The following PPM1L variants were observed in gnomAD, a reference collection of about 807,000 sequenced individuals.
The protein encoded by PPM1L is protein phosphatase 1L.
In PPM1L, 13 loss-of-function variants were observed where a neutral mutation model predicts 31.4. The observed-to-expected ratio is 0.41, with a 90% confidence interval of 0.27 to 0.66. The LOEUF is 0.66. PPM1L is among the 30% of genes least tolerant of loss of function. The probability of loss-of-function intolerance (pLI) is 0.29; values close to 1 mark genes in which losing one functional copy is unlikely to be tolerated. For missense variants in PPM1L, 326 were observed against 453.7 expected, an observed-to-expected ratio of 0.72 and a Z score of 2.56; for synonymous variants, 184 against 175.4, an observed-to-expected ratio of 1.05 and a Z score of -0.39.
At chr3:160,832,717 A>G (rs114901147) in intron 1 of PPM1L, among the ~76,000 whole-genome samples, 1,851 of 152,286 alleles carry the variant, frequency 0.012, 46 homozygotes, top group African/African-American at 0.042. Context: ...TGTTAACTAC[A>G]TTGCAGAATT....
At chr3:160,804,210 G>A (rs1207586904) in intron 1 of PPM1L, among the ~76,000 whole-genome samples, 1 of 152,042 alleles carries the variant, frequency 6.6e-6, no homozygotes, top group Non-Finnish European at 1.5e-5. Context: ...GGGATTACAG[G>A]CGTGAGCCAC....
At chr3:160,821,607 A>G (rs1713204600) in intron 1 of PPM1L, among the ~76,000 whole-genome samples, 1 of 152,074 alleles carries the variant, frequency 6.6e-6, no homozygotes, top group Admixed American at 6.6e-5. Flanking sequence ...ATTTTTTGGG[A>G]GTAAATTTTG....
At chr3:160,988,242 A>AT (rs1204407165) in intron 2 of PPM1L, among the ~76,000 whole-genome samples, 5 of 152,206 alleles carry the variant, frequency 3.3e-5, no homozygotes, top group African/African-American at 7.2e-5. Flanking sequence ...TAATGTTTAT[A>AT]TGACATCCAT....
At chr3:160,889,736 C>T (rs1056271389) in intron 1 of PPM1L, among the ~76,000 whole-genome samples, 2 of 152,126 alleles carry the variant, frequency 1.3e-5, no homozygotes, top group African/African-American at 4.8e-5. Context: ...TGATGAACAT[C>T]GATGCAAAAA....
At chr3:160,845,890 A>G (rs1714060167) in intron 1 of PPM1L, among the ~76,000 whole-genome samples, 1 of 152,066 alleles carries the variant, frequency 6.6e-6, no homozygotes, top group African/African-American at 2.4e-5. Context: ...AGAAGGAAAT[A>G]CATTTGAGAA....
At chr3:160,834,318 C>A (rs564016677) in intron 1 of PPM1L, among the ~76,000 whole-genome samples, 1 of 152,000 alleles carries the variant, frequency 6.6e-6, no homozygotes, top group African/African-American at 2.4e-5. Flanking sequence ...CCACCGTGCC[C>A]GGCCTTAAAT....
intron 2 of PPM1L, among the ~76,000 whole-genome samples, chr3:160,965,696 G>A (rs1295396842): frequency 6.6e-6 from 1 of 151,992 alleles, no homozygotes; most frequent in African/African-American, 2.4e-5. Flanking sequence ...ATGCTCATTT[G>A]CTTCAACTGT....
intron 1 of PPM1L, among the ~76,000 whole-genome samples, chr3:160,924,109 G>A (rs548438057): frequency 6.6e-5 from 10 of 152,170 alleles, no homozygotes; most frequent in African/African-American, 2.4e-4. Context: ...GTTTGTTTTA[G>A]AAAAGAGGTA....
intron 1 of PPM1L, among the ~76,000 whole-genome samples, chr3:160,949,022 A>T (rs947353647): frequency 1.3e-5 from 2 of 152,214 alleles, no homozygotes; most frequent in African/African-American, 2.4e-5. Context: ...ACCCTAAAAA[A>T]AGTTGATTTA....
chr3:160,828,960 T>G (rs1256582349), intron 1 of PPM1L, among the ~76,000 whole-genome samples: 1 of 152,130 alleles, frequency 6.6e-6, no homozygotes, highest in Non-Finnish European at 1.5e-5. Context: ...TGGATCTCTG[T>G]ACCTCCAACA....
rs1342144647 is a variant in PPM1L, at chr3:161,070,674, C to T, written c.*1517C>T. On this transcript the variant is annotated 3_prime_UTR_variant, in exon 4 of 4. Coordinates refer to ENST00000498165, the MANE Select transcript of PPM1L (RefSeq NM_139245.4). Reference sequence around the variant, plus strand: ...CCGTTGCCTCCCAGCCCTCTGTATCCACCTGGTTTTGTTCTTTCCCTGTGA... The same window carrying T: ...CCGTTGCCTCCCAGCCCTCTGTATCTACCTGGTTTTGTTCTTTCCCTGTGA... 1 of 152,156 alleles carries T rather than the reference C, an allele frequency of 6.6e-6. No homozygotes were observed. The allele number at this position is 152,156 out of a possible 1,614,324, so 9.4% of individuals were successfully genotyped here.
intron 1 of PPM1L, among the ~76,000 whole-genome samples, chr3:160,921,550 A>G (rs1431050173): frequency 6.6e-6 from 1 of 152,136 alleles, no homozygotes; most frequent in Non-Finnish European, 1.5e-5. Flanking sequence ...AAACATTTAA[A>G]CTGTCCTTAT....
intron 1 of PPM1L, among the ~76,000 whole-genome samples, chr3:160,822,697 GAAAATATATTAGTAGC>G (rs1713236901): frequency 6.6e-6 from 1 of 152,094 alleles, no homozygotes; most frequent in Non-Finnish European, 1.5e-5. Flanking sequence ...TAGAAATGGT[GAAAATATATTAGTAGC>G]AATGACAACT....
intron 1 of PPM1L, among the ~76,000 whole-genome samples, chr3:160,799,372 C>G (rs1048215615): frequency 3.3e-5 from 5 of 152,206 alleles, no homozygotes; most frequent in African/African-American, 9.6e-5. Flanking sequence ...TTTCAGCAAT[C>G]ACCACCTTCA....
chr3:160,765,920 G>T (rs555283877), intron 1 of PPM1L, among the ~76,000 whole-genome samples: 1 of 152,000 alleles, frequency 6.6e-6, no homozygotes, highest in Non-Finnish European at 1.5e-5. Flanking sequence ...TACTGAGTTG[G>T]TATGTTTAGT....
chr3:160,986,622 A>G (rs1306041934), intron 2 of PPM1L, among the ~76,000 whole-genome samples: 1 of 152,172 alleles, frequency 6.6e-6, no homozygotes, highest in Non-Finnish European at 1.5e-5. Context: ...CTTTGGCAGC[A>G]TGTTCTTTGG....
chr3:160,852,718 C>T (rs188775668), intron 1 of PPM1L, among the ~76,000 whole-genome samples: 19 of 152,300 alleles, frequency 1.2e-4, no homozygotes, highest in African/African-American at 3.6e-4. Flanking sequence ...CTTTTAATAT[C>T]GTACTTTTCC....
intron 2 of PPM1L, among the ~76,000 whole-genome samples, chr3:160,996,173 A>T (rs530921876): frequency 2.8e-4 from 43 of 152,310 alleles, no homozygotes; most frequent in African/African-American, 1.0e-3. Context: ...AAAAGGGAAC[A>T]CTTCTACACT....
chr3:160,868,548 A>G (rs1712175405), intron 1 of PPM1L, among the ~76,000 whole-genome samples: 2 of 152,200 alleles, frequency 1.3e-5, no homozygotes, highest in Admixed American at 1.3e-4. Context: ...TCACTGGCCC[A>G]TCTTCTTTGC....
Sources: allele counts gnomAD v4.1 joint callset (sites outside exome capture counted in the v4.1 genomes callset), GRCh38; gene constraint gnomAD v4.1.1; transcripts MANE v1.5; gene names NCBI Gene and HGNC (gene_info 2026-07-23, HGNC 2026-07-21).